The following ZC3H12B variants were observed in gnomAD, a reference collection of about 807,000 sequenced individuals.
The protein encoded by ZC3H12B is zinc finger CCCH-type containing 12B.
In ZC3H12B, 7 loss-of-function variants were observed where a neutral mutation model predicts 43.9. That is an observed-to-expected ratio of 0.16 (90% CI 0.09 to 0.30). The LOEUF (loss-of-function observed/expected upper bound fraction) is 0.30. Among genes scored for constraint, ZC3H12B ranks in the 10% least tolerant of loss-of-function variants. The pLI, the probability that ZC3H12B is intolerant of heterozygous loss-of-function variation, is 1.00. For missense variants in ZC3H12B, 475 were observed against 670.2 expected (o/e 0.71, Z 3.22); for synonymous variants, 222 against 241.7 (o/e 0.92, Z 0.76).
rs182709583 is a variant in ZC3H12B at position 65,379,544 on chromosome X, G to C, written n.295+10546G>C. Among the ~76,000 whole-genome samples, 150 of 112,317 alleles carry C rather than the reference G, an allele frequency of 1.3e-3. 1 individual carries two copies. The highest frequency in any genetic ancestry group is 4.6e-3 in the Middle Eastern group (1 of 219). ...GAAAAACTGGAAACTCTAAAAAGCA[G>C]AGCGCCTCTCCTCCTCCAAAGGAAC... On this transcript the variant is annotated intron_variant and non_coding_transcript_variant, in intron 2 of 5. Transcript: ENST00000617377.
At chrX:65,331,477 G>C in the ZC3H12B span, among the ~76,000 whole-genome samples, 1 of 110,997 alleles carries the variant, frequency 9.0e-6, no homozygotes, top group Non-Finnish European at 1.9e-5. Flanking sequence ...GGTTACCAGA[G>C]GCTAGAGGTA....
chrX:65,160,883 C>G, the ZC3H12B span, among the ~76,000 whole-genome samples: 1 of 111,034 alleles, frequency 9.0e-6, no homozygotes, highest in Non-Finnish European at 1.9e-5. Context: ...TTCCTGCTTT[C>G]TCTTGTGGGC....
At chrX:65,115,033 C>T in the ZC3H12B span, among the ~76,000 whole-genome samples, 1 of 98,380 alleles carries the variant, frequency 1.0e-5, no homozygotes, top group Non-Finnish European at 2.0e-5. Context: ...ATTTAGGGGG[C>T]ACATGAAATT....
chrX:65,452,510 C>T (rs2067530014), intron 3 of ZC3H12B, among the ~76,000 whole-genome samples: 2 of 109,627 alleles, frequency 1.8e-5, no homozygotes, highest in Non-Finnish European at 3.8e-5. Context: ...AACTACAAAA[C>T]ACTGCTGATA....
chrX:65,397,611 G>A (rs1334833851), intron 2 of ZC3H12B, among the ~76,000 whole-genome samples: 1 of 111,006 alleles, frequency 9.0e-6, no homozygotes, highest in Non-Finnish European at 1.9e-5. Flanking sequence ...CAAAAAGCTA[G>A]GTATACAAGA....
intron 3 of ZC3H12B, among the ~76,000 whole-genome samples, chrX:65,446,486 A>ATGCT (rs2067378365): frequency 9.0e-6 from 1 of 111,584 alleles, no homozygotes; most frequent in South Asian, 3.7e-4. Context: ...AAACGCTTTA[A>ATGCT]TGCTTGGTGG....
At chrX:65,437,254 T>C (rs1353202854) in intron 3 of ZC3H12B, among the ~76,000 whole-genome samples, 2 of 111,719 alleles carry the variant, frequency 1.8e-5, no homozygotes, top group African/African-American at 6.5e-5. Flanking sequence ...ATCCAACTCA[T>C]TCTAATGATA....
At chrX:65,405,081 A>C (rs1377468426) in intron 3 of ZC3H12B, among the ~76,000 whole-genome samples, 1 of 112,288 alleles carries the variant, frequency 8.9e-6, no homozygotes, top group African/African-American at 3.2e-5. Flanking sequence ...ATGGAAGTTA[A>C]ACAATATGTT....
chrX:65,472,980 A>G (rs1028176388), intron 3 of ZC3H12B, among the ~76,000 whole-genome samples: 17 of 77,650 alleles, frequency 2.2e-4, no homozygotes, highest in African/African-American at 1.2e-3. Context: ...GTGTGTGTAT[A>G]TATATATATA....
the ZC3H12B span, among the ~76,000 whole-genome samples, chrX:65,129,605 T>C: frequency 1.8e-5 from 2 of 111,465 alleles, no homozygotes; most frequent in African/African-American, 6.5e-5. Context: ...TCTTTTGTGT[T>C]TCTTCACTTG....
the ZC3H12B span, among the ~76,000 whole-genome samples, chrX:65,193,284 G>A: frequency 9.0e-6 from 1 of 110,791 alleles, no homozygotes; most frequent in African/African-American, 3.3e-5. Flanking sequence ...AAGCCAATTT[G>A]CTGGAAGATG....
chrX:65,392,666 G>T (rs1346861268), intron 2 of ZC3H12B, among the ~76,000 whole-genome samples: 2 of 112,236 alleles, frequency 1.8e-5, no homozygotes, highest in African/African-American at 6.5e-5. Flanking sequence ...CATCTGGGGG[G>T]TGGGGGGCCC....
At chrX:65,375,711 C>A (rs1482528363) in intron 2 of ZC3H12B, among the ~76,000 whole-genome samples, 1 of 111,192 alleles carries the variant, frequency 9.0e-6, no homozygotes, top group Non-Finnish European at 1.9e-5. Flanking sequence ...AACCCACCAC[C>A]TTGAAGGAAA....
the ZC3H12B span, among the ~76,000 whole-genome samples, chrX:65,163,540 CAGTG>C: frequency 1.8e-5 from 2 of 111,542 alleles, no homozygotes; most frequent in Admixed American, 9.5e-5. Context: ...TGCTTGCAAT[CAGTG>C]AGACTCCGTG....
the ZC3H12B span, among the ~76,000 whole-genome samples, chrX:65,124,346 A>C: frequency 2.7e-5 from 3 of 111,093 alleles, no homozygotes; most frequent in African/African-American, 9.8e-5. Flanking sequence ...AACCCACTTG[A>C]TTATGGTAGA....
the ZC3H12B span, among the ~76,000 whole-genome samples, chrX:65,117,301 T>C: frequency 8.9e-6 from 1 of 112,456 alleles, no homozygotes; most frequent in African/African-American, 3.2e-5. Flanking sequence ...TGCATTTCTC[T>C]GATGGCCAGT....
chrX:65,334,295 C>A, the ZC3H12B span, among the ~76,000 whole-genome samples: 1,735 of 111,916 alleles, frequency 0.016, 43 homozygotes, highest in African/African-American at 0.053. Flanking sequence ...TGTTCACATG[C>A]AGAGTTTCTT....
At chrX:65,057,786 T>C in the ZC3H12B span, among the ~76,000 whole-genome samples, 1 of 111,812 alleles carries the variant, frequency 8.9e-6, no homozygotes, top group Non-Finnish European at 1.9e-5. Flanking sequence ...TCATTTGTTT[T>C]TATTCTTTTT....
chrX:65,444,878 C>A (rs1193368921), intron 3 of ZC3H12B, among the ~76,000 whole-genome samples: 1 of 111,679 alleles, frequency 9.0e-6, no homozygotes, highest in African/African-American at 3.3e-5. Flanking sequence ...TTTTGCCATA[C>A]TTTGTTGTTT....
Sources: gnomAD v4.1 joint callset for allele counts (sites outside exome capture counted in the v4.1 genomes callset) on GRCh38, gnomAD v4.1.1 for gene constraint, MANE v1.5 for transcripts, NCBI Gene and HGNC (gene_info 2026-07-23, HGNC 2026-07-21) for gene names.